RHBDD1: variants seen among roughly 807,000 people sequenced by gnomAD.
The protein encoded by RHBDD1 is rhomboid domain containing 1.
Under a neutral mutation model 36.3 loss-of-function variants are expected in RHBDD1, and 38 were observed. The observed-to-expected ratio is 1.05, with a 90% CI of 0.81 to 1.37. RHBDD1 has a LOEUF of 1.37. RHBDD1 is among the 40% of genes most tolerant of loss of function. RHBDD1 has a pLI of 0.00. For missense variants in RHBDD1, 393 were observed against 377.6 expected (o/e 1.04, Z -0.34); for synonymous variants, 151 against 136.5 (o/e 1.11, Z -0.74).
intron 7 of RHBDD1, 72 bp from the exon 8 acceptor site, chr2:226,914,136 G>A: frequency 7.3e-7 from 1 of 1,377,910 alleles, no homozygotes. Context: ...GCTTGTCTTT[G>A]CTTATACAAA....
intron 8 of RHBDD1, among the ~76,000 whole-genome samples, chr2:226,939,352 A>C (rs1950531465): frequency 6.6e-6 from 1 of 152,236 alleles, no homozygotes; most frequent in African/African-American, 2.4e-5. Context: ...TTTGTAGATG[A>C]CATGATCCTA....
At chr2:226,919,606 C>T (rs143737213) in intron 8 of RHBDD1, among the ~76,000 whole-genome samples, 117 of 152,064 alleles carry the variant, frequency 7.7e-4, no homozygotes, top group African/African-American at 2.7e-3. Context: ...ATTCTCTTGG[C>T]ACCTTTTTTG....
At chr2:226,948,566 A>AT (rs1951175223) in intron 8 of RHBDD1, among the ~76,000 whole-genome samples, 1 of 91,738 alleles carries the variant, frequency 1.1e-5, no homozygotes. Context: ...TTAAAGTATA[A>AT]AAAAAAAAAA....
chr2:226,975,697 T>C (rs768199711), intron 8 of RHBDD1, among the ~76,000 whole-genome samples: 1 of 152,236 alleles, frequency 6.6e-6, no homozygotes, highest in African/African-American at 2.4e-5. Flanking sequence ...TCTGTTAGGC[T>C]TGGAATTTTC....
chr2:226,947,515 A>G (rs990228137), intron 8 of RHBDD1, among the ~76,000 whole-genome samples: 1 of 152,068 alleles, frequency 6.6e-6, no homozygotes, highest in African/African-American at 2.4e-5. Flanking sequence ...GCCTTGTAGT[A>G]TAGTTTGAAG....
chr2:226,910,126 T>G (rs1157939519), intron 7 of RHBDD1, among the ~76,000 whole-genome samples: 1 of 152,198 alleles, frequency 6.6e-6, no homozygotes, highest in Non-Finnish European at 1.5e-5. Context: ...CAATTTAACC[T>G]TACAAAATAG....
intron 5 of RHBDD1, among the ~76,000 whole-genome samples, chr2:226,905,355 C>T (rs539643262): frequency 1.3e-5 from 2 of 152,178 alleles, no homozygotes; most frequent in South Asian, 4.2e-4. Context: ...AAGGAAAGAA[C>T]GGCTCTTCAA....
chr2:226,906,591 T>C, intron 5 of RHBDD1: 1 of 1,152,614 alleles, frequency 8.7e-7, no homozygotes. Flanking sequence ...AAACATGTGG[T>C]GGTTGTTATT....
At chr2:226,972,402 A>T (rs1216805017) in intron 8 of RHBDD1, among the ~76,000 whole-genome samples, 2 of 152,222 alleles carry the variant, frequency 1.3e-5, no homozygotes, top group African/African-American at 2.4e-5. Flanking sequence ...AGAGACAGGG[A>T]TTACCTAAAG....
At position 226,864,481 on chromosome 2, in the gene RHBDD1, A is replaced by G. The variant is rs1213749361; in HGVS notation, c.-90-123A>G. The G allele has an allele frequency of 3.4e-5, 19 of 555,548 alleles. No homozygotes were observed. In the East Asian group the frequency reaches 4.4e-4, roughly 13 times the overall value. 34.4% of individuals were successfully genotyped at this position (555,548 alleles called of 1,614,324 possible). A position where few individuals can be genotyped will look rare whatever the true frequency, so the allele number is the denominator to read the frequency against. ...GATATTACTCTTGAAGATGTCGAAC[A>G]TAAATATTTCTGTTAGAATGAGAAG... On this transcript the variant is annotated intron_variant, in intron 3 of 8. Transcript: ENST00000392062.
intron 4 of RHBDD1, 82 bp from the exon 5 acceptor site, chr2:226,867,104 A>G: frequency 7.5e-7 from 1 of 1,327,498 alleles, no homozygotes; most frequent in South Asian, 1.4e-5. Flanking sequence ...AATCATTTTC[A>G]CTTTTAATTA....
intron 5 of RHBDD1, among the ~76,000 whole-genome samples, chr2:226,892,704 G>A (rs1456226292): frequency 2.0e-5 from 3 of 152,100 alleles, no homozygotes; most frequent in Non-Finnish European, 4.4e-5. Flanking sequence ...CTCTCGAAAT[G>A]TTTTTCTTAT....
chr2:226,993,991 C>T (rs959728199), intron 8 of RHBDD1, among the ~76,000 whole-genome samples: 1 of 152,232 alleles, frequency 6.6e-6, no homozygotes, highest in African/African-American at 2.4e-5. Flanking sequence ...TTTGCCCACC[C>T]TCCCTTCCCA....
intron 2 of RHBDD1, among the ~76,000 whole-genome samples, chr2:226,838,513 CAT>C (rs1221902572): frequency 4.6e-5 from 7 of 152,140 alleles, no homozygotes; most frequent in African/African-American, 1.7e-4. Flanking sequence ...AAGTAGGAGT[CAT>C]AGGATGTGCT....
At chr2:226,979,461 A>G (rs1955222882) in intron 8 of RHBDD1, among the ~76,000 whole-genome samples, 1 of 152,092 alleles carries the variant, frequency 6.6e-6, no homozygotes, top group South Asian at 2.1e-4. Context: ...CCCCCTGCAA[A>G]TGGCTGGAAC....
intron 8 of RHBDD1, among the ~76,000 whole-genome samples, chr2:226,977,259 A>C (rs769467442): frequency 2.6e-5 from 4 of 152,064 alleles, no homozygotes; most frequent in Non-Finnish European, 5.9e-5. Context: ...TTAGTTTTGC[A>C]TTTAACACAG....
the RHBDD1 span, among the ~76,000 whole-genome samples, chr2:226,801,541 G>T: frequency 2.6e-5 from 4 of 152,116 alleles, no homozygotes; most frequent in Non-Finnish European, 5.9e-5. Context: ...GTTCCCGGTC[G>T]TCATGCAGCC....
At chr2:226,870,942 T>A (rs1302050427) in intron 5 of RHBDD1, among the ~76,000 whole-genome samples, 1 of 152,166 alleles carries the variant, frequency 6.6e-6, no homozygotes, top group Non-Finnish European at 1.5e-5. Context: ...AAGATCCTCA[T>A]GTAAGTGGAC....
the RHBDD1 span, among the ~76,000 whole-genome samples, chr2:226,826,864 A>ACCAC: frequency 1.3e-5 from 2 of 152,094 alleles, no homozygotes; most frequent in East Asian, 3.9e-4. Flanking sequence ...CCAGTGAAAA[A>ACCAC]CCACTTGAGT....
Sources: gnomAD v4.1 joint callset for allele counts (sites outside exome capture counted in the v4.1 genomes callset) on GRCh38, gnomAD v4.1.1 for gene constraint, MANE v1.5 for transcripts, NCBI Gene and HGNC (gene_info 2026-07-23, HGNC 2026-07-21) for gene names.